MBD2: variants seen among roughly 807,000 people sequenced by gnomAD.
The protein encoded by MBD2 is methyl-CpG binding domain protein 2.
In MBD2, 9 loss-of-function variants were observed where a neutral mutation model predicts 39.3. That is an observed-to-expected ratio of 0.23 (90% CI 0.14 to 0.40). The LOEUF is 0.40. MBD2 is among the 10% of genes least tolerant of loss of function. The probability of loss-of-function intolerance (pLI) is 1.00; values close to 1 mark genes in which losing one functional copy is unlikely to be tolerated. For missense variants in MBD2, 458 were observed against 532.6 expected, an observed-to-expected ratio of 0.86 and a Z score of 1.38; for synonymous variants, 233 against 211.1, an observed-to-expected ratio of 1.10 and a Z score of -0.90.
intron 1 of MBD2, among the ~76,000 whole-genome samples, chr18:54,207,442 A>G (rs2086459525): frequency 6.6e-6 from 1 of 152,238 alleles, no homozygotes. Flanking sequence ...TTCCTTGCTG[A>G]GTCAAACAAC....
chr18:54,184,167 T>C (rs978676693), intron 3 of MBD2, among the ~76,000 whole-genome samples: 2 of 151,922 alleles, frequency 1.3e-5, no homozygotes, highest in East Asian at 1.9e-4. Context: ...CTCAAAGCTA[T>C]AGAAAAAGAG....
chr18:54,215,191 CAA>C, intron 1 of MBD2, among the ~76,000 whole-genome samples: 1 of 152,118 alleles, frequency 6.6e-6, no homozygotes, highest in East Asian at 1.9e-4. Flanking sequence ...CCAGGACAAC[CAA>C]AGTGTGGTCT....
At chr18:54,200,699 A>G (rs1405093928) in intron 2 of MBD2, among the ~76,000 whole-genome samples, 1 of 152,024 alleles carries the variant, frequency 6.6e-6, no homozygotes, top group East Asian at 1.9e-4. Flanking sequence ...TGAGGCGCAA[A>G]GCTTATTTGC....
chr18:54,222,412 A>C, intron 1 of MBD2: 1 of 505,962 alleles, frequency 2.0e-6, no homozygotes. Flanking sequence ...GAAAGTGCTC[A>C]CAATAACTTT....
At chr18:54,179,573 G>A (rs973022432) in intron 3 of MBD2, among the ~76,000 whole-genome samples, 1 of 152,042 alleles carries the variant, frequency 6.6e-6, no homozygotes, top group Non-Finnish European at 1.5e-5. Context: ...ATCAAACAGT[G>A]AAATTAATCA....
At chr18:54,217,032 T>G (rs991430442) in intron 1 of MBD2, among the ~76,000 whole-genome samples, 3 of 152,100 alleles carry the variant, frequency 2.0e-5, no homozygotes, top group Non-Finnish European at 4.4e-5. Context: ...GAGGGTGCAG[T>G]GAGTGGAGAT....
In MBD2 at chr18:54,224,393, C is replaced by A. The variant is rs2144363624; in HGVS notation, c.167G>T (p.Gly56Val). Residue 56 changes from glycine to valine, a missense_variant, in exon 1 of 7, where the codon GGC becomes GTC. This residue lies in a region of MBD2 where 269 missense variants were observed against 236.0 expected (regional missense o/e 1.14). Transcript: ENST00000256429. ...VSGVRREGAR[G>V]GGRGRGRWKQ... is the part of the protein sequence containing the mutation. The stretch of plus-strand genomic sequence containing the variant: ...CCACCGCCCCCGGCCACGGCCGCCG[C>A]CCCGAGCGCCTTCCCTGCGCACGCC... The A allele has an allele frequency of 1.6e-6, 2 of 1,242,966 alleles. No individual in the cohort carries two copies. The highest frequency in any genetic ancestry group is 2.0e-6 in the Non-Finnish European group (2 of 992,868). 77.0% of individuals were successfully genotyped at this position (1,242,966 alleles called of 1,614,324 possible). A position where few individuals can be genotyped will look rare whatever the true frequency, so the allele number is the denominator to read the frequency against.
At chr18:54,157,773 T>C (rs751580037) in intron 6 of MBD2, among the ~76,000 whole-genome samples, 6 of 152,024 alleles carry the variant, frequency 3.9e-5, no homozygotes, top group Non-Finnish European at 8.8e-5. Context: ...CCAAACAGAG[T>C]TCCCTCCCAC....
chr18:54,224,286 G>GTCCCC lies in MBD2; in HGVS notation c.273_274insGGGGA (p.Arg92GlyfsTer75). On this transcript the variant is annotated frameshift_variant, in exon 1 of 7. Transcript: ENST00000256429. LOFTEE classifies it high-confidence loss of function. The stretch of plus-strand genomic sequence containing the variant: ...CCACTCGGGGGACGGCCGCGGCCCC[G>GTCCCC]GCCCCGGCCCCGTCCCCGTCCCCGG... The GTCCCC allele has an allele frequency of 3.2e-6, 3 of 945,784 alleles. No individual in the cohort carries two copies. The highest frequency in any genetic ancestry group is 3.8e-6 in the Non-Finnish European group (3 of 796,736). 58.6% of individuals were successfully genotyped at this position (945,784 alleles called of 1,614,324 possible).
At chr18:54,160,020 C>A in intron 5 of MBD2, 117 bp from the exon 6 acceptor site, 1 of 1,201,028 alleles carries the variant, frequency 8.3e-7, no homozygotes, top group Non-Finnish European at 1.1e-6. Context: ...GAATAGACTT[C>A]CTTTTCAGAT....
At chr18:54,208,094 C>T (rs1248065180) in intron 1 of MBD2, among the ~76,000 whole-genome samples, 1 of 151,984 alleles carries the variant, frequency 6.6e-6, no homozygotes, top group Non-Finnish European at 1.5e-5. Flanking sequence ...GCCATATGGT[C>T]CTTATTATCA....
rs1177241583 is a variant in MBD2, at chr18:54,152,970, T to G, written c.*2354A>C. Reference sequence around the variant, plus strand: ...TGTGCTCTTAAAAATCACTCTAAACTGCATACAAAGATAAGTGAGGGAAAT... The same window carrying G: ...TGTGCTCTTAAAAATCACTCTAAACGGCATACAAAGATAAGTGAGGGAAAT... On this transcript the variant is annotated 3_prime_UTR_variant, in exon 7 of 7. Coordinates refer to ENST00000256429, the MANE Select transcript of MBD2 (RefSeq NM_003927.5). 1 of 152,206 alleles carries G rather than the reference T, an allele frequency of 6.6e-6. No homozygotes were observed. The highest frequency in any genetic ancestry group is 1.9e-4 in the East Asian group (1 of 5,194). 9.4% of individuals were successfully genotyped at this position (152,206 alleles called of 1,614,324 possible). A position where few individuals can be genotyped will look rare whatever the true frequency, so the allele number is the denominator to read the frequency against.
intron 4 of MBD2, 82 bp downstream of exon 4, chr18:54,165,994 G>T: frequency 1.1e-6 from 1 of 937,814 alleles, no homozygotes; most frequent in Non-Finnish European, 1.7e-6. Flanking sequence ...GTCAGTCATT[G>T]CTGAATCCAC....
At chr18:54,218,516 G>T (rs1437648122) in intron 1 of MBD2, among the ~76,000 whole-genome samples, 1 of 152,222 alleles carries the variant, frequency 6.6e-6, no homozygotes, top group Admixed American at 6.5e-5. Flanking sequence ...ATGCAACAGA[G>T]CATGGTGGTT....
intron 3 of MBD2, among the ~76,000 whole-genome samples, chr18:54,183,525 G>T (rs1305156933): frequency 6.6e-6 from 1 of 152,200 alleles, no homozygotes; most frequent in African/African-American, 2.4e-5. Flanking sequence ...AAGAGAGGTA[G>T]TCATATTGTT....
At chr18:54,209,891 A>G (rs573156323) in intron 1 of MBD2, among the ~76,000 whole-genome samples, 1 of 152,338 alleles carries the variant, frequency 6.6e-6, no homozygotes, top group South Asian at 2.1e-4. Flanking sequence ...TCTACCCTCA[A>G]TAATGGCTGC....
rs535148205 is a variant in MBD2 at position 54,214,149 on chromosome 18, T to C, written c.543-8992A>G. Reference sequence around the variant, plus strand: ...GAGCAGGGGTTACTTTTATAACCCATACATACTATACATATATATATATTT... The same window carrying C: ...GAGCAGGGGTTACTTTTATAACCCACACATACTATACATATATATATATTT... On this transcript the variant is annotated intron_variant, in intron 1 of 6. Transcript: ENST00000256429. Among the ~76,000 whole-genome samples the C allele has an allele frequency of 4.6e-5, 7 of 151,616 alleles. No homozygotes were observed. The South Asian group carries it at 1.0e-3, about 22-fold the overall frequency.
chr18:54,203,084 G>A (rs1224696129), intron 2 of MBD2: 8 of 1,578,492 alleles, frequency 5.1e-6, no homozygotes, highest in Non-Finnish European at 6.1e-6. Context: ...GGTGCAGGAC[G>A]ATGAGTGTTC....
chr18:54,224,198 GCGCCGCCGCCAC>G lies in MBD2; in HGVS notation c.350_361del (p.Gly117_Gly120del). On this transcript the variant is annotated inframe_deletion, in exon 1 of 7. Transcript: ENST00000256429. ...GAAAGGGACCGGCTCCCGCCGGGGG[GCGCCGCCGCCAC>G]CGCTGCCGCCGCCGCCGCAGCCGCC... 1.7e-6 allele frequency: 2 copies of G among 1,206,274 alleles called. No homozygotes were observed. Among genetic ancestry groups the G allele is most frequent in the Non-Finnish European group, 2.1e-6 (2 of 973,254 alleles). 74.7% of individuals were successfully genotyped at this position (1,206,274 alleles called of 1,614,324 possible).
Sources: gnomAD v4.1 joint callset for allele counts (sites outside exome capture counted in the v4.1 genomes callset) on GRCh38, gnomAD v4.1.1 for gene constraint, gnomAD v4.1.1 regional missense constraint, MANE v1.5 for transcripts, NCBI Gene and HGNC (gene_info 2026-07-23, HGNC 2026-07-21) for gene names.